The following TNIP3 variants were observed in gnomAD, a reference collection of about 807,000 sequenced individuals.
TNIP3 encodes TNFAIP3-interacting protein 3.
A neutral mutation model predicts 54.1 loss-of-function variants in TNIP3; 34 were observed. The ratio of observed to expected loss-of-function variants is 0.63; its 90% CI spans 0.48 to 0.84. The LOEUF is 0.84. TNIP3 is among the 40% of genes least tolerant of loss of function. The pLI is 0.00. For synonymous variants in TNIP3, 134 were observed against 136.8 expected (o/e 0.98, Z 0.14); for missense variants, 366 against 387.6 (o/e 0.94, Z 0.47).
chr4:121,138,427 A>G (rs1289681673), intron 10 of TNIP3, among the ~76,000 whole-genome samples, 197 bp downstream of exon 10: 1 of 152,246 alleles, frequency 6.6e-6, no homozygotes, highest in Non-Finnish European at 1.5e-5. Flanking sequence ...AGGTTCATGC[A>G]TTTCTGCATT....
In TNIP3 at chr4:121,157,222, G is replaced by C. The variant is rs912082304; in HGVS notation, c.235C>G (p.Leu79Val). 2 of 1,614,012 alleles carry C rather than the reference G, an allele frequency of 1.2e-6. No individual in the cohort carries two copies. The highest frequency in any genetic ancestry group is 1.7e-6 in the Non-Finnish European group (2 of 1,180,030). Residue 79 changes from leucine (L) to valine (V), a missense_variant, in exon 4 of 11, where the codon CTG becomes GTG. Transcript: ENST00000057513. The stretch of plus-strand genomic sequence containing the variant: ...CTGAGGAATCTTTCCGCGGCGTCCA[G>C]TTTCGTCTTCAGCTCTGCTACCTGA... ...ERKVAELKTKLDAAERFLSTR... is the reference protein window; with the variant it reads ...ERKVAELKTKVDAAERFLSTR...
intron 3 of TNIP3, among the ~76,000 whole-genome samples, chr4:121,170,117 C>A (rs1490898589): frequency 1.3e-5 from 2 of 152,196 alleles, no homozygotes; most frequent in African/African-American, 4.8e-5. Context: ...CTACTTCCTT[C>A]TTTATGATCT....
At chr4:121,221,858 G>T (rs542525064) in intron 1 of TNIP3, among the ~76,000 whole-genome samples, 1 of 152,216 alleles carries the variant, frequency 6.6e-6, no homozygotes, top group South Asian at 2.1e-4. Context: ...TAGCAGTAAA[G>T]TTTTTTGCCA....
intron 10 of TNIP3, chr4:121,137,939 A>G (rs774132138): frequency 2.2e-6 from 1 of 456,214 alleles, no homozygotes; most frequent in South Asian, 1.5e-5. Flanking sequence ...GATTTTGATT[A>G]TAGCTCAGTT....
chr4:121,135,815 G>C (rs1213829861), intron 10 of TNIP3, among the ~76,000 whole-genome samples: 2 of 152,196 alleles, frequency 1.3e-5, no homozygotes, highest in Non-Finnish European at 2.9e-5. Flanking sequence ...CCCCAAACCA[G>C]CAAGAACCAC....
At chr4:121,154,730 G>C (rs1474914637) in intron 4 of TNIP3, 51 bp from the exon 5 acceptor site, 2 of 1,517,488 alleles carry the variant, frequency 1.3e-6, no homozygotes, top group Non-Finnish European at 1.8e-6. Flanking sequence ...AGTCAAATGA[G>C]ATGATATTGT....
intron 7 of TNIP3, among the ~76,000 whole-genome samples, chr4:121,144,328 G>C (rs1440571323): frequency 6.6e-6 from 1 of 152,136 alleles, no homozygotes; most frequent in Non-Finnish European, 1.5e-5. Context: ...TCTTCTAATA[G>C]ACTAAAATAA....
intron 3 of TNIP3, among the ~76,000 whole-genome samples, chr4:121,179,218 T>C (rs923823132): frequency 6.6e-6 from 1 of 152,180 alleles, no homozygotes; most frequent in Admixed American, 6.5e-5. Flanking sequence ...GCAGAATGTA[T>C]AGAAGACACT....
chr4:121,157,342 C>T (rs1730178842), intron 3 of TNIP3, 99 bp from the exon 4 acceptor site: 11 of 1,475,136 alleles, frequency 7.5e-6, no homozygotes, highest in Admixed American at 3.5e-5. Context: ...AAACGCCCCA[C>T]CCCAGGACGT....
At chr4:121,207,054 T>C (rs561808590) in intron 2 of TNIP3, among the ~76,000 whole-genome samples, 8 of 152,178 alleles carry the variant, frequency 5.3e-5, no homozygotes, top group Non-Finnish European at 7.4e-5. Flanking sequence ...ATGTTTTCAT[T>C]GGAAAAAAAC....
chr4:121,193,683 G>A (rs1725419617), intron 2 of TNIP3, among the ~76,000 whole-genome samples: 1 of 152,030 alleles, frequency 6.6e-6, no homozygotes. Flanking sequence ...AATACTAGGG[G>A]AAATGTAAAA....
At chr4:121,168,521 C>CTTTTTTTT (rs35307961), upstream of TNIP3, among the ~76,000 whole-genome samples, 1 of 132,352 alleles carries the variant, frequency 7.6e-6, no homozygotes, top group Non-Finnish European at 1.6e-5. Context: ...CTTTTCTTTG[C>CTTTTTTTT]TTTTTTTTTT....
At chr4:121,195,009 A>G (rs1725500086) in intron 2 of TNIP3, among the ~76,000 whole-genome samples, 1 of 152,088 alleles carries the variant, frequency 6.6e-6, no homozygotes, top group South Asian at 2.1e-4. Context: ...CTCTACTAAA[A>G]TTACAAAAAT....
upstream of TNIP3, among the ~76,000 whole-genome samples, chr4:121,218,862 A>T (rs532904480): frequency 4.6e-5 from 7 of 152,226 alleles, no homozygotes; most frequent in Middle Eastern, 3.4e-3. Flanking sequence ...TTCCCTAGCT[A>T]TAGCCACATA....
chr4:121,207,658 G>T (rs902690130), intron 2 of TNIP3, among the ~76,000 whole-genome samples: 2 of 152,132 alleles, frequency 1.3e-5, no homozygotes, highest in Non-Finnish European at 2.9e-5. Flanking sequence ...ATCTGAAACT[G>T]CCTTTATAAA....
At chr4:121,201,291 C>G (rs1306057964) in intron 2 of TNIP3, among the ~76,000 whole-genome samples, 3 of 152,118 alleles carry the variant, frequency 2.0e-5, no homozygotes, top group Non-Finnish European at 1.5e-5. Context: ...ACCACAAGGA[C>G]GTTCTATGCA....
At chr4:121,174,744 A>G (rs988114157) in intron 3 of TNIP3, among the ~76,000 whole-genome samples, 1 of 152,184 alleles carries the variant, frequency 6.6e-6, no homozygotes, top group African/African-American at 2.4e-5. Flanking sequence ...ACATATTTAC[A>G]TACTTTGTGA....
chr4:121,180,840 C>T (rs1724650693), intron 3 of TNIP3, among the ~76,000 whole-genome samples: 1 of 152,216 alleles, frequency 6.6e-6, no homozygotes, highest in Non-Finnish European at 1.5e-5. Flanking sequence ...GTCTCCCTAC[C>T]TTCCAATAGT....
chr4:121,132,559 G>A lies in TNIP3; in HGVS notation c.*72C>T. 7.1e-7 allele frequency: 1 copy of A among 1,411,442 alleles called. No individual in the cohort carries two copies. The highest frequency in any genetic ancestry group is 1.0e-6 in the Non-Finnish European group (1 of 999,444). The allele number at this position is 1,411,442 out of a possible 1,614,324, so 87.4% of individuals were successfully genotyped here. On this transcript the variant is annotated 3_prime_UTR_variant, in exon 11 of 11. Coordinates refer to ENST00000057513, the MANE Select transcript of TNIP3 (RefSeq NM_024873.6). ...GCCTTTGTGGCAGAAACAAGCCTCA[G>A]TATAAACAAAGAAGAGGGTCCTCAG...
Sources: gnomAD v4.1 joint callset for allele counts (sites outside exome capture counted in the v4.1 genomes callset) on GRCh38, gnomAD v4.1.1 for gene constraint, MANE v1.5 for transcripts, NCBI Gene and HGNC (gene_info 2026-07-23, HGNC 2026-07-21) for gene names.